The following OTOF variants were observed in gnomAD, a reference collection of about 807,000 sequenced individuals.
The protein encoded by OTOF is fer-1-like family member 2.
Under a neutral mutation model 236.8 loss-of-function variants are expected in OTOF, and 218 were observed. That is an observed-to-expected ratio of 0.92 (90% CI 0.82 to 1.03). The LOEUF is 1.03. Ranked by LOEUF, OTOF falls within the 50% of genes least tolerant of loss-of-function variation. The pLI, the probability that OTOF is intolerant of heterozygous loss-of-function variation, is 0.00. For missense variants in OTOF, 2,590 were observed against 2,694.4 expected, an observed-to-expected ratio of 0.96 and a Z score of 0.86; for synonymous variants, 1,041 against 1,072.5, an observed-to-expected ratio of 0.97 and a Z score of 0.57.
intron 30 of OTOF, 49 bp from the exon 31 acceptor site, chr2:26,471,199 G>C (rs1322117490): frequency 6.2e-7 from 1 of 1,602,894 alleles, no homozygotes. Flanking sequence ...CTGGGGCCTG[G>C]AGTGGCAGGC....
intron 5 of OTOF, among the ~76,000 whole-genome samples, chr2:26,506,538 A>G (rs1339401671): frequency 6.6e-6 from 1 of 152,052 alleles, no homozygotes; most frequent in Non-Finnish European, 1.5e-5. Flanking sequence ...TCCCGGGGGG[A>G]GTGCAAGGTA....
At chr2:26,541,171 G>C (rs1667204875) in intron 1 of OTOF, among the ~76,000 whole-genome samples, 1 of 152,212 alleles carries the variant, frequency 6.6e-6, no homozygotes, top group African/African-American at 2.4e-5. Flanking sequence ...ATTGGGAGAA[G>C]GTGGGGAGGG....
chr2:26,488,733 G>C (rs953430816), intron 11 of OTOF, among the ~76,000 whole-genome samples: 6 of 152,228 alleles, frequency 3.9e-5, no homozygotes, highest in Non-Finnish European at 8.8e-5. Flanking sequence ...CCCTGGCTCT[G>C]AGCCTCAACT....
In OTOF at chr2:26,460,132, G is replaced by T. The variant is rs142720632; in HGVS notation, c.5887C>A (p.Arg1963Ser). The change falls in exon 46 of 47, where the codon CGC (arginine) becomes AGC (serine). Residue 1963 changes from arginine to serine, a missense_variant. By Grantham distance (110) the Arg-to-Ser change is moderately radical. Around this residue, in one of 2 missense-constraint regions of OTOF, gnomAD observed 1,211 missense variants for 1,352.8 expected, o/e 0.90. Transcript: ENST00000272371. The surrounding 1 kb of genome is among the most constrained non-coding windows in gnomAD (Gnocchi z 5.3). ...SARYFLWHTY[R>S]WLLLKLLLLL... ...AGCAACAGTTTGAGGAGCAGCCAGC[G>T]ATACGTGTGCCACAAGAAGTAGCGA... is the stretch of plus-strand genomic sequence containing the variant. 7 of 1,599,228 alleles carry T rather than the reference G, an allele frequency of 4.4e-6. No homozygotes were observed. The African/African-American group carries it at 8.0e-5, about 18-fold the overall frequency.
At chr2:26,516,350 G>C in intron 5 of OTOF, 68 bp downstream of exon 5, 1 of 1,442,178 alleles carries the variant, frequency 6.9e-7, no homozygotes, top group Non-Finnish European at 9.6e-7. Flanking sequence ...CTGTCAGTAG[G>C]ACCAGGCCCC....
chr2:26,465,105 G>C, intron 38 of OTOF, 76 bp from the exon 39 acceptor site: 1 of 1,304,024 alleles, frequency 7.7e-7, no homozygotes, highest in East Asian at 2.5e-5. Flanking sequence ...GTCGTGGCCA[G>C]TTCTCTAAAG....
intron 8 of OTOF, among the ~76,000 whole-genome samples, chr2:26,500,242 A>G (rs769905046): frequency 7.9e-5 from 12 of 152,242 alleles, no homozygotes; most frequent in Non-Finnish European, 1.6e-4. Flanking sequence ...TTTCTTACCT[A>G]TAAATGCAGT....
In OTOF at chr2:26,471,131, TTGACAACAG is replaced by T; in HGVS notation, c.3875_3883del (p.Ala1292_Lys1295delinsGlu). ...GGCCCCCACACTCACCACATCCACC[TTGACAACAG>T]CTTCAGAAGTCTGCAGAGGAACCAA... On this transcript the variant is annotated inframe_deletion, in exon 31 of 47. Coordinates refer to ENST00000272371, the MANE Select transcript of OTOF (RefSeq NM_194248.3). The T allele has an allele frequency of 6.2e-7, 1 of 1,614,014 alleles. No homozygotes were observed. Among genetic ancestry groups the T allele is most frequent in the South Asian group, 1.1e-5 (1 of 91,078 alleles).
chr2:26,465,566 G>A (rs750851067), intron 38 of OTOF, 106 bp downstream of exon 38: 4 of 1,294,672 alleles, frequency 3.1e-6, no homozygotes, highest in Non-Finnish European at 4.4e-6. Flanking sequence ...GCCTGGGACA[G>A]AAACCACAAT....
intron 6 of OTOF, among the ~76,000 whole-genome samples, chr2:26,503,012 C>T (rs4665861): frequency 0.32 from 47,958 of 152,016 alleles, 8,716 homozygotes; most frequent in South Asian, 0.4. Flanking sequence ...GTTTGGTCCT[C>T]AGCCAGCAGC....
rs745453920 is a variant in OTOF, at chr2:26,473,982, C to T, written c.3408+9G>A. 6.2e-7 allele frequency: 1 copy of T among 1,612,808 alleles called. No individual in the cohort carries two copies. The highest frequency in any genetic ancestry group is 1.1e-5 in the South Asian group (1 of 91,092). On this transcript the variant is annotated intron_variant, in intron 27 of 46. Coordinates refer to ENST00000272371, the MANE Select transcript of OTOF (RefSeq NM_194248.3). This position sits in a 1 kb window ranked among gnomAD's most constrained non-coding sequence, Gnocchi z 7.2. The stretch of plus-strand genomic sequence containing the variant: ...TCCAAAAGGGAAGGGCCACACAGAG[C>T]CCTCGCACCTCCACTCGGTACTTGC...
intron 14 of OTOF, among the ~76,000 whole-genome samples, chr2:26,481,675 T>G (rs368470993): frequency 1.3e-5 from 2 of 152,242 alleles, no homozygotes; most frequent in African/African-American, 4.8e-5. Context: ...GTATATTCAC[T>G]GTGCTATAAA....
intron 33 of OTOF, among the ~76,000 whole-genome samples, chr2:26,468,166 G>A (rs1003015715): frequency 6.6e-6 from 1 of 152,202 alleles, no homozygotes; most frequent in African/African-American, 2.4e-5. Context: ...TAGCTCTGAT[G>A]TTCTGTGGCT....
intron 1 of OTOF, 83 bp from the exon 2 acceptor site, chr2:26,537,857 C>A: frequency 9.8e-7 from 1 of 1,022,046 alleles, no homozygotes; most frequent in Non-Finnish European, 1.5e-6. Flanking sequence ...TCCTGGGAGT[C>A]GTCCTAACAG....
At chr2:26,524,781 C>G (rs534499475) in intron 3 of OTOF, among the ~76,000 whole-genome samples, 75 of 152,322 alleles carry the variant, frequency 4.9e-4, no homozygotes, top group African/African-American at 1.8e-3. Flanking sequence ...AACAGACATG[C>G]ATTCTAGCCC....
Position 26,457,427 on chromosome 2 carries a change from C to A in OTOF, c.*811G>T. 1 of 152,776 alleles carries A rather than the reference C, an allele frequency of 6.5e-6. No homozygotes were observed. The highest frequency in any genetic ancestry group is 1.9e-4 in the East Asian group (1 of 5,174). 9.5% of individuals were successfully genotyped at this position (152,776 alleles called of 1,614,324 possible). A position where few individuals can be genotyped will look rare whatever the true frequency, so the allele number is the denominator to read the frequency against. ...AGCTCCTCAGCTGGGCCTGGAGGCG[C>A]TGGCTGGGGCAGAGGGAGCTCTGGG... On this transcript the variant is annotated 3_prime_UTR_variant, in exon 47 of 47. Transcript: ENST00000272371. This position sits in a 1 kb window ranked among gnomAD's most constrained non-coding sequence, Gnocchi z 4.4.
At chr2:26,502,556 A>T (rs1338783552) in intron 6 of OTOF, 130 bp from the exon 7 acceptor site, 10 of 923,496 alleles carry the variant, frequency 1.1e-5, no homozygotes, top group South Asian at 8.4e-5. Context: ...CGCTTAGAAT[A>T]TTATGGCCTG....
rs919592706 is a variant in OTOF, at chr2:26,461,110, C to T, written c.5534-80G>A. The T allele has an allele frequency of 8.7e-7, 1 of 1,147,314 alleles. No individual in the cohort carries two copies. The highest frequency in any genetic ancestry group is 2.0e-5 in the Admixed American group (1 of 50,702). 71.1% of individuals were successfully genotyped at this position (1,147,314 alleles called of 1,614,324 possible). ...GGGGGTGGGGGTCTGGGCTCCTCGG[C>T]CCCTTGTTTGCTGAGTGCAGACCTC... is the stretch of plus-strand genomic sequence containing the variant. On this transcript the variant is annotated intron_variant, in intron 43 of 46. Coordinates refer to ENST00000272371, the MANE Select transcript of OTOF (RefSeq NM_194248.3). This position sits in a 1 kb window ranked among gnomAD's most constrained non-coding sequence, Gnocchi z 6.2.
At chr2:26,517,557 A>G (rs1666564914) in intron 4 of OTOF, among the ~76,000 whole-genome samples, 1 of 152,156 alleles carries the variant, frequency 6.6e-6, no homozygotes, top group African/African-American at 2.4e-5. Context: ...TGGAGCTGGG[A>G]TCTGAGCCCA....
Sources: allele counts gnomAD v4.1 joint callset (sites outside exome capture counted in the v4.1 genomes callset), GRCh38; gene constraint gnomAD v4.1.1; regional missense constraint gnomAD v4.1.1; non-coding constraint Gnocchi (gnomAD v3.1); transcripts MANE v1.5; gene names NCBI Gene and HGNC (gene_info 2026-07-23, HGNC 2026-07-21).